Variants in P2RX7 observed in about 807,000 individuals in gnomAD.
The protein encoded by P2RX7 is purinergic receptor P2X 7.
In P2RX7, 62 loss-of-function variants were observed where a neutral mutation model predicts 71.6. The observed-to-expected ratio is 0.87, with a 90% confidence interval of 0.71 to 1.07. The LOEUF (loss-of-function observed/expected upper bound fraction) is 1.07. Among genes scored for constraint, P2RX7 ranks in the 50% least tolerant of loss-of-function variants. The pLI, the probability that P2RX7 is intolerant of heterozygous loss-of-function variation, is 0.00. For missense variants in P2RX7, 686 were observed against 748.5 expected, an observed-to-expected ratio of 0.92 and a Z score of 0.97; for synonymous variants, 299 against 283.3, an observed-to-expected ratio of 1.06 and a Z score of -0.56.
intron 1 of P2RX7, among the ~76,000 whole-genome samples, chr12:121,153,867 T>C (rs2136039259): frequency 6.6e-6 from 1 of 152,178 alleles, no homozygotes; most frequent in East Asian, 1.9e-4. Context: ...AACCACAACA[T>C]GTTGGGAGGC....
chr12:121,148,775 G>A (rs2136018961), intron 1 of P2RX7, among the ~76,000 whole-genome samples: 1 of 152,296 alleles, frequency 6.6e-6, no homozygotes, highest in South Asian at 2.1e-4. Context: ...CCATGGCCGG[G>A]TGGACCAGCG....
At chr12:121,168,235 TAAC>T (rs1351505991) in intron 8 of P2RX7, among the ~76,000 whole-genome samples, 1 of 150,254 alleles carries the variant, frequency 6.7e-6, no homozygotes, top group Non-Finnish European at 1.5e-5. Flanking sequence ...GGTGAACAAA[TAAC>T]AACTGCTACA....
chr12:121,147,888 C>T (rs922958813), intron 1 of P2RX7, among the ~76,000 whole-genome samples: 1 of 151,976 alleles, frequency 6.6e-6, no homozygotes, highest in Non-Finnish European at 1.5e-5. Context: ...TCTGGGATTA[C>T]ATGAGTGAGC....
chr12:121,147,828 G>T (rs750593608), intron 1 of P2RX7, among the ~76,000 whole-genome samples: 12 of 151,944 alleles, frequency 7.9e-5, no homozygotes, highest in African/African-American at 2.4e-5. Context: ...GGCCAGGCGG[G>T]TCTTGAACTC....
rs112631221 is a variant in P2RX7 at position 121,165,384 on chromosome 12, C to G, written c.561C>G (p.Asn187Lys). 1.4e-4 allele frequency: 230 copies of G among 1,614,132 alleles called. No homozygotes were observed. Among genetic ancestry groups the G allele is most frequent in the Non-Finnish European group, 1.8e-4 (216 of 1,179,998 alleles). Residue 187 changes from asparagine to lysine, a missense_variant, in exon 6 of 13, where the codon AAC becomes AAG. By Grantham distance (94) the Asn-to-Lys change is moderately conservative (BLOSUM62 0). Transcript: ENST00000328963. ...CTGCTCTCTTGAACAGTGCCGAAAA[C>G]TTCACTGTGCTCATCAAGAACAATA... ...PRPALLNSAE[N>K]FTVLIKNNID...
At chr12:121,165,847 G>T (rs1284311588) in intron 6 of P2RX7, among the ~76,000 whole-genome samples, 3 of 152,180 alleles carry the variant, frequency 2.0e-5, no homozygotes, top group Non-Finnish European at 2.9e-5. Flanking sequence ...CAGTCTTTGG[G>T]GGGAGACCCC....
intron 5 of P2RX7, among the ~76,000 whole-genome samples, chr12:121,162,846 C>A (rs1880028899): frequency 6.6e-6 from 1 of 151,988 alleles, no homozygotes; most frequent in Non-Finnish European, 1.5e-5. Flanking sequence ...ACAGCAGGAT[C>A]CCTTCTGACT....
chr12:121,171,363 T>C (rs1882142680), intron 8 of P2RX7, among the ~76,000 whole-genome samples: 1 of 138,672 alleles, frequency 7.2e-6, no homozygotes. Flanking sequence ...CAATCTCTTT[T>C]TTTTTTTTTT....
intron 1 of P2RX7, among the ~76,000 whole-genome samples, chr12:121,136,023 A>AAAATATATATATATATAT: frequency 6.6e-5 from 1 of 15,254 alleles, no homozygotes; most frequent in African/African-American, 1.2e-4. Flanking sequence ...AAAAAAAAAA[A>AAAATATATATATATATAT]ATATATATAT....
intron 1 of P2RX7, among the ~76,000 whole-genome samples, chr12:121,148,411 C>T (rs940127095): frequency 2.6e-5 from 4 of 151,758 alleles, no homozygotes; most frequent in Non-Finnish European, 5.9e-5. Context: ...AATGGGGTTT[C>T]GCCATGTTGC....
intron 4 of P2RX7, 161 bp from the exon 5 acceptor site, chr12:121,162,263 G>A: frequency 7.0e-7 from 1 of 1,420,584 alleles, no homozygotes. Flanking sequence ...TGTGTTCGTT[G>A]TGGTTAGGAT....
chr12:121,148,188 T>TTTA (rs1555223905), intron 1 of P2RX7, among the ~76,000 whole-genome samples: 1 of 140,414 alleles, frequency 7.1e-6, no homozygotes, highest in East Asian at 2.1e-4. Flanking sequence ...CTGGGATCTT[T>TTTA]TTTATTTATT....
Position 121,162,815 on chromosome 12 carries a change from C to T in P2RX7, c.533+295C>T, listed in dbSNP as rs549779898. ...TCCCCCAGATCTTCCAGGGTACCCC[C>T]AGACCCCCTCCTGTAGTGCCACAGC... is the stretch of plus-strand genomic sequence containing the variant. On this transcript the variant is annotated intron_variant, in intron 5 of 12. Transcript: ENST00000328963. Among the ~76,000 whole-genome samples the T allele has an allele frequency of 2.3e-3, 351 of 152,216 alleles. 1 individual carries two copies. The highest frequency in any genetic ancestry group is 3.5e-3 in the Non-Finnish European group (238 of 67,996).
chr12:121,134,908 C>T (rs138708231), intron 1 of P2RX7, among the ~76,000 whole-genome samples: 2 of 151,772 alleles, frequency 1.3e-5, no homozygotes, highest in Non-Finnish European at 2.9e-5. Flanking sequence ...TGGGCCAAGT[C>T]ATTAACTTCT....
chr12:121,159,313 A>C (rs1194148234), intron 3 of P2RX7, among the ~76,000 whole-genome samples: 1 of 147,922 alleles, frequency 6.8e-6, no homozygotes, highest in Non-Finnish European at 1.5e-5. Flanking sequence ...GCTACTCAGG[A>C]GGCTGAGGCA....
chr12:121,178,514 G>A (rs1183579348), intron 11 of P2RX7, among the ~76,000 whole-genome samples: 1 of 152,192 alleles, frequency 6.6e-6, no homozygotes, highest in Admixed American at 6.5e-5. Context: ...GCCCAAGGCT[G>A]GGCACAGTGG....
chr12:121,178,161 T>C (rs1052726535), intron 11 of P2RX7, among the ~76,000 whole-genome samples: 16 of 152,176 alleles, frequency 1.1e-4, no homozygotes, highest in African/African-American at 3.9e-4. Context: ...ATACCTGCCC[T>C]AGAGAAACAC....
At chr12:121,160,456 A>G (rs1879447222) in intron 3 of P2RX7, among the ~76,000 whole-genome samples, 1 of 151,972 alleles carries the variant, frequency 6.6e-6, no homozygotes, top group Admixed American at 6.6e-5. Flanking sequence ...AGCCCCCAGA[A>G]CATTTTCATC....
At chr12:121,145,443 T>C (rs1355033078) in intron 1 of P2RX7, among the ~76,000 whole-genome samples, 2 of 151,338 alleles carry the variant, frequency 1.3e-5, no homozygotes, top group South Asian at 4.2e-4. Flanking sequence ...CTAGAGTGGG[T>C]AGAGGAGTGA....
Sources: gnomAD v4.1 joint callset for allele counts (sites outside exome capture counted in the v4.1 genomes callset) on GRCh38, gnomAD v4.1.1 for gene constraint, MANE v1.5 for transcripts, NCBI Gene and HGNC (gene_info 2026-07-23, HGNC 2026-07-21) for gene names.